The following EPHB1 variants were observed in gnomAD, a reference collection of about 807,000 sequenced individuals.
EPHB1 encodes ephrin type-B receptor 1.
A neutral mutation model predicts 94.4 loss-of-function variants in EPHB1; 30 were observed. The observed-to-expected ratio is 0.32, with a 90% CI of 0.24 to 0.43. EPHB1 has a LOEUF of 0.43. Ranked by LOEUF, EPHB1 falls within the 20% of genes least tolerant of loss-of-function variation. The probability of loss-of-function intolerance (pLI) is 1.00; values close to 1 mark genes in which losing one functional copy is unlikely to be tolerated. For synonymous variants in EPHB1, 522 were observed against 489.1 expected, an observed-to-expected ratio of 1.07 and a Z score of -0.89; for missense variants, 1,055 against 1,308.3, an observed-to-expected ratio of 0.81 and a Z score of 2.99.
intron 15 of EPHB1, among the ~76,000 whole-genome samples, chr3:135,258,522 C>A (rs1271706668): frequency 1.3e-5 from 2 of 152,140 alleles, no homozygotes; most frequent in African/African-American, 4.8e-5. Flanking sequence ...CTTAAAAATG[C>A]ATACATTAAA....
chr3:134,984,841 C>T (rs948812035), intron 3 of EPHB1, among the ~76,000 whole-genome samples: 5 of 151,918 alleles, frequency 3.3e-5, no homozygotes, highest in Non-Finnish European at 5.9e-5. Context: ...GGGCTAGGGG[C>T]GAGCCAGAGA....
chr3:135,153,859 A>G (rs1198915257), intron 5 of EPHB1, among the ~76,000 whole-genome samples: 1 of 151,934 alleles, frequency 6.6e-6, no homozygotes, highest in Non-Finnish European at 1.5e-5. Context: ...GATTCCTCCA[A>G]CTGTCTCTTG....
At chr3:135,116,289 A>G (rs931914609) in intron 4 of EPHB1, among the ~76,000 whole-genome samples, 35 of 152,192 alleles carry the variant, frequency 2.3e-4, no homozygotes, top group Admixed American at 2.2e-3. Flanking sequence ...CTGGAGAGCC[A>G]TCCTAGGTTA....
rs140821843 is a variant in EPHB1, at chr3:135,102,693, G to GCACT, written c.806-3754_806-3751dup. On this transcript the variant is annotated intron_variant, in intron 3 of 15. Transcript: ENST00000398015. ...CACATGCACACGTATGTTTATTGTA[G>GCACT]CACTATTTACAATAGCAAAGACTTG... 2.9e-3 allele frequency among the ~76,000 whole-genome samples: 445 copies of GCACT among 152,204 alleles called. 1 individual carries two copies. Among genetic ancestry groups the GCACT allele is most frequent in the Non-Finnish European group, 5.0e-3 (339 of 68,014 alleles).
At chr3:134,824,235 G>A (rs933531186) in intron 1 of EPHB1, among the ~76,000 whole-genome samples, 7 of 148,522 alleles carry the variant, frequency 4.7e-5, no homozygotes, top group Admixed American at 2.1e-4. Flanking sequence ...TTGATATGGC[G>A]TATCAGGGTG....
chr3:134,878,798 A>G (rs985356549), intron 1 of EPHB1, among the ~76,000 whole-genome samples: 1 of 152,172 alleles, frequency 6.6e-6, no homozygotes, highest in African/African-American at 2.4e-5. Flanking sequence ...ACTTTTTTAA[A>G]ACTTCAGTGT....
At position 135,162,189 on chromosome 3, in the gene EPHB1, C is replaced by T. The variant is rs962523509; in HGVS notation, c.1585+9C>T. 5.0e-6 allele frequency: 8 copies of T among 1,590,476 alleles called. No homozygotes were observed. The highest frequency in any genetic ancestry group is 1.7e-5 in the Admixed American group (1 of 58,252). On this transcript the variant is annotated intron_variant, in intron 7 of 15. Coordinates refer to ENST00000398015, the MANE Select transcript of EPHB1 (RefSeq NM_004441.5). Reference sequence around the variant, plus strand: ...CCAGACTCTGACTGACGGTAAGGGTCGGGGAGGGCAGTGGCATAATCACAG... The same window carrying T: ...CCAGACTCTGACTGACGGTAAGGGTTGGGGAGGGCAGTGGCATAATCACAG...
intron 12 of EPHB1, among the ~76,000 whole-genome samples, chr3:135,222,545 G>A (rs1943297830): frequency 6.6e-6 from 1 of 152,178 alleles, no homozygotes; most frequent in Non-Finnish European, 1.5e-5. Flanking sequence ...ACACTGAAGA[G>A]GGCCTTTCTT....
At chr3:135,147,230 G>A (rs1941038705) in intron 5 of EPHB1, among the ~76,000 whole-genome samples, 1 of 152,154 alleles carries the variant, frequency 6.6e-6, no homozygotes, top group Non-Finnish European at 1.5e-5. Flanking sequence ...GCTATGGTCT[G>A]TGCTATAGAT....
intron 1 of EPHB1, 76 bp downstream of exon 1, chr3:134,795,765 G>A: frequency 1.3e-6 from 2 of 1,493,164 alleles, no homozygotes; most frequent in Non-Finnish European, 1.9e-6. Context: ...CGGTTCGCGG[G>A]GTTCCTCTGG....
chr3:135,213,171 G>A (rs1943070347), intron 12 of EPHB1, among the ~76,000 whole-genome samples: 1 of 152,086 alleles, frequency 6.6e-6, no homozygotes, highest in Non-Finnish European at 1.5e-5. Context: ...TGTTCCTTCT[G>A]TTTTAGATCG....
In EPHB1 at chr3:135,103,049, G is replaced by A. The variant is rs1009201818; in HGVS notation, c.806-3399G>A. ...ATGCAGGGCTTAAAACCTAGATGAT[G>A]GGTTGATAGGTGCAGCAAACCACAA... On this transcript the variant is annotated intron_variant, in intron 3 of 15. Transcript: ENST00000398015. 3.3e-5 allele frequency among the ~76,000 whole-genome samples: 5 copies of A among 152,092 alleles called. No individual in the cohort carries two copies. In the South Asian group the frequency reaches 1.0e-3, roughly 32 times the overall value.
At chr3:135,144,847 T>C (rs1463906983) in intron 5 of EPHB1, among the ~76,000 whole-genome samples, 2 of 152,004 alleles carry the variant, frequency 1.3e-5, no homozygotes, top group African/African-American at 2.4e-5. Flanking sequence ...CCCAAGGAAG[T>C]CCTCTGTCCC....
chr3:135,174,188 G>GT (rs1559861547), intron 9 of EPHB1, among the ~76,000 whole-genome samples: 1 of 152,118 alleles, frequency 6.6e-6, no homozygotes. Context: ...CAGTACATCT[G>GT]TCCCCTGCTG....
chr3:135,021,751 CTTTTGTT>C (rs914170034), intron 3 of EPHB1, among the ~76,000 whole-genome samples: 3 of 152,034 alleles, frequency 2.0e-5, no homozygotes, highest in African/African-American at 7.2e-5. Context: ...ATGGGACTGC[CTTTTGTT>C]GTTTCATCAA....
At chr3:135,034,350 G>C (rs541465820) in intron 3 of EPHB1, among the ~76,000 whole-genome samples, 97 of 152,314 alleles carry the variant, frequency 6.4e-4, no homozygotes, top group African/African-American at 2.2e-3. Context: ...CCCGTTCAGG[G>C]AGGGCAAGGG....
rs2035801999 is a variant in EPHB1, at chr3:134,795,464, C to G, written c.-168C>G. 4.8e-6 allele frequency: 3 copies of G among 623,944 alleles called. No individual in the cohort carries two copies. The highest frequency in any genetic ancestry group is 2.0e-5 in the South Asian group (1 of 48,930). The allele number at this position is 623,944 out of a possible 1,614,324, so 38.7% of individuals were successfully genotyped here. ...GCGCGCCCGCACCGCCCCACGCGCA[C>G]ACACTCCTGCCCACGCCCACGCAGC... On this transcript the variant is annotated 5_prime_UTR_variant, in exon 1 of 16. Coordinates refer to ENST00000398015, the MANE Select transcript of EPHB1 (RefSeq NM_004441.5).
intron 12 of EPHB1, among the ~76,000 whole-genome samples, chr3:135,234,588 A>G (rs1943604938): frequency 6.6e-6 from 1 of 152,230 alleles, no homozygotes; most frequent in Non-Finnish European, 1.5e-5. Flanking sequence ...CACACTGCTA[A>G]TAAAGACATA....
intron 10 of EPHB1, among the ~76,000 whole-genome samples, chr3:135,187,066 C>T (rs1485852691): frequency 6.6e-6 from 1 of 152,174 alleles, no homozygotes; most frequent in Non-Finnish European, 1.5e-5. Context: ...GGTCAAGAAC[C>T]ACAGTTCGAG....
Sources: allele counts gnomAD v4.1 joint callset (sites outside exome capture counted in the v4.1 genomes callset), GRCh38; gene constraint gnomAD v4.1.1; transcripts MANE v1.5; gene names NCBI Gene and HGNC (gene_info 2026-07-23, HGNC 2026-07-21).